Variants in CEP19 observed in about 807,000 individuals in gnomAD.
CEP19 encodes centrosomal protein of 19 kDa.
CEP19 carries 14 observed loss-of-function variants against 17.5 expected under a neutral mutation model. The observed-to-expected ratio is 0.80, with a 90% confidence interval of 0.53 to 1.25. The LOEUF (loss-of-function observed/expected upper bound fraction) is 1.25, where lower values mean the gene tolerates loss of function less well. CEP19 is among the 50% of genes most tolerant of loss of function. CEP19 has a pLI of 0.00. For synonymous variants in CEP19, 59 were observed against 65.5 expected (o/e 0.90, Z 0.48); for missense variants, 193 against 192.0 (o/e 1.01, Z -0.03).
intron 1 of CEP19, among the ~76,000 whole-genome samples, chr3:196,710,058 T>C (rs1051733209): frequency 5.3e-5 from 8 of 152,242 alleles, no homozygotes; most frequent in African/African-American, 1.7e-4. Context: ...GTTTATAGTA[T>C]GTTTCATACA....
At chr3:196,711,524 C>G (rs1357554975) in intron 1 of CEP19, among the ~76,000 whole-genome samples, 1 of 152,162 alleles carries the variant, frequency 6.6e-6, no homozygotes, top group African/African-American at 2.4e-5. Flanking sequence ...CGGGGTTTCG[C>G]CATCTTGGCC....
In CEP19 at chr3:196,706,524, T is replaced by G. The variant is rs1372899224; in HGVS notation, c.*1027A>C. ...TATTTATGGGAAGAGGTTCAGCGTT[T>G]CGCAATGTCTTTAGTATGTATTTCC... On this transcript the variant is annotated 3_prime_UTR_variant, in exon 3 of 3. Transcript: ENST00000409690. The G allele has an allele frequency of 6.6e-6, 1 of 152,174 alleles. No individual in the cohort carries two copies. The highest frequency in any genetic ancestry group is 2.1e-4 in the South Asian group (1 of 4,832). 9.4% of individuals were successfully genotyped at this position (152,174 alleles called of 1,614,324 possible).
intron 2 of CEP19, 22 bp from the exon 3 acceptor site, chr3:196,707,934 T>C (rs576489060): frequency 6.3e-7 from 1 of 1,599,422 alleles, no homozygotes; most frequent in African/African-American, 1.3e-5. Flanking sequence ...AAGAAAACTA[T>C]ATACCACATA....
intron 1 of CEP19, among the ~76,000 whole-genome samples, chr3:196,709,721 T>A (rs1255298093): frequency 6.6e-6 from 1 of 152,226 alleles, no homozygotes; most frequent in African/African-American, 2.4e-5. Flanking sequence ...AAACAGCTAT[T>A]TGTAGATGAA....
In CEP19 at chr3:196,708,641, T is replaced by C; in HGVS notation, c.17A>G (p.Lys6Arg). MMCTA[K>R]KCGIRFQPPA... ...AGGCTGAAACCTAATCCCACATTTC[T>C]TGGCAGTGCACATCATTCCCATGTA... The change falls in exon 2 of 3, where the codon AAG becomes AGG. Residue 6 changes from lysine to arginine, a missense_variant. Lys to Arg is a conservative substitution (Grantham distance 26). Transcript: ENST00000409690. 6.2e-7 allele frequency: 1 copy of C among 1,614,164 alleles called. No individual in the cohort carries two copies. The highest frequency in any genetic ancestry group is 8.5e-7 in the Non-Finnish European group (1 of 1,179,986).
chr3:196,710,260 C>G (rs571808664), intron 1 of CEP19, among the ~76,000 whole-genome samples: 1 of 152,168 alleles, frequency 6.6e-6, no homozygotes, highest in East Asian at 1.9e-4. Flanking sequence ...AAATTAATCA[C>G]ATATAAGCCC....
At chr3:196,708,378 C>T (rs1357252044) in intron 2 of CEP19, 150 bp downstream of exon 2, 1 of 713,120 alleles carries the variant, frequency 1.4e-6, no homozygotes. Context: ...GAAAAAAACA[C>T]TACAATTCCC....
Position 196,707,011 on chromosome 3 carries a change from T to C in CEP19, c.*540A>G, listed in dbSNP as rs1430306442. ...TTAGCTTTTCACAGGTTTTGACATC[T>C]TCCAGTCAGATTGTAAGCTTTTTTT... On this transcript the variant is annotated 3_prime_UTR_variant, in exon 3 of 3. Transcript: ENST00000409690. The C allele has an allele frequency of 6.6e-6, 1 of 152,324 alleles. No homozygotes were observed. Among genetic ancestry groups the C allele is most frequent in the Admixed American group, 6.6e-5 (1 of 15,188 alleles). 9.4% of individuals were successfully genotyped at this position (152,324 alleles called of 1,614,324 possible). A position where few individuals can be genotyped will look rare whatever the true frequency, so the allele number is the denominator to read the frequency against.
At chr3:196,709,176 A>G (rs946589359) in intron 1 of CEP19, among the ~76,000 whole-genome samples, 9 of 152,168 alleles carry the variant, frequency 5.9e-5, no homozygotes, top group African/African-American at 2.2e-4. Flanking sequence ...GCTGACCTAT[A>G]GGGTCTTTAC....
intron 1 of CEP19, among the ~76,000 whole-genome samples, chr3:196,710,021 G>C (rs1156856685): frequency 6.6e-6 from 1 of 152,152 alleles, no homozygotes; most frequent in Non-Finnish European, 1.5e-5. Context: ...ACCCTTGATT[G>C]TGTCCAGTCT....
chr3:196,706,537 A>G lies in CEP19; in HGVS notation c.*1014T>C, dbSNP rs148974768. Reference sequence around the variant, plus strand: ...AGGTTCAGCGTTTCGCAATGTCTTTAGTATGTATTTCCCGATACCGGAGGG... The same window carrying G: ...AGGTTCAGCGTTTCGCAATGTCTTTGGTATGTATTTCCCGATACCGGAGGG... On this transcript the variant is annotated 3_prime_UTR_variant, in exon 3 of 3. Transcript: ENST00000409690. The G allele has an allele frequency of 6.6e-6, 1 of 152,128 alleles. No homozygotes were observed. The highest frequency in any genetic ancestry group is 1.5e-5 in the Non-Finnish European group (1 of 68,018). 9.4% of individuals were successfully genotyped at this position (152,128 alleles called of 1,614,324 possible).
rs557931530 is a variant in CEP19 at position 196,708,427 on chromosome 3, T to G, written c.130+101A>C. ...GAAACTGAAGCTCACTGAGAGTAAG[T>G]AATTCATCCAGTGTCACACATCCAG... is the stretch of plus-strand genomic sequence containing the variant. On this transcript the variant is annotated intron_variant, in intron 2 of 2. Transcript: ENST00000409690. The G allele has an allele frequency of 6.7e-6, 7 of 1,046,552 alleles. No individual in the cohort carries two copies. In the South Asian group the frequency reaches 8.9e-5, roughly 13 times the overall value. The allele number at this position is 1,046,552 out of a possible 1,614,324, so 64.8% of individuals were successfully genotyped here.
At chr3:196,708,441 TCA>T in intron 2 of CEP19, 85 bp downstream of exon 2, 1 of 1,207,842 alleles carries the variant, frequency 8.3e-7, no homozygotes, top group Non-Finnish European at 1.2e-6. Flanking sequence ...TCATCCAGTG[TCA>T]CACATCCAGT....
Position 196,706,351 on chromosome 3 carries a change from A to G in CEP19, c.*1200T>C, listed in dbSNP as rs1358796362. 6.6e-6 allele frequency: 1 copy of G among 152,228 alleles called. No individual in the cohort carries two copies. Among genetic ancestry groups the G allele is most frequent in the African/African-American group, 2.4e-5 (1 of 41,468 alleles). The allele number at this position is 152,228 out of a possible 1,614,324, so 9.4% of individuals were successfully genotyped here. A position where few individuals can be genotyped will look rare whatever the true frequency, so the allele number is the denominator to read the frequency against. Reference sequence around the variant, plus strand: ...ATAGAATTTCTACCAACTAAACAATATTGTAATAAGGATAAATGTATCAAA... The same window carrying G: ...ATAGAATTTCTACCAACTAAACAATGTTGTAATAAGGATAAATGTATCAAA... On this transcript the variant is annotated 3_prime_UTR_variant, in exon 3 of 3. Coordinates refer to ENST00000409690, the MANE Select transcript of CEP19 (RefSeq NM_032898.5).
intron 1 of CEP19, among the ~76,000 whole-genome samples, chr3:196,711,283 T>C (rs956452162): frequency 7.9e-5 from 12 of 152,062 alleles, no homozygotes; most frequent in African/African-American, 2.9e-4. Context: ...TTCCAAAATT[T>C]CTCTCTCCAT....
intron 1 of CEP19, among the ~76,000 whole-genome samples, chr3:196,710,701 G>C (rs925952920): frequency 1.3e-5 from 2 of 151,968 alleles, no homozygotes; most frequent in South Asian, 2.1e-4. Context: ...AATTGGCCAG[G>C]CATGGCAGCA....
rs1170352063 is a variant in CEP19 at position 196,707,726 on chromosome 3, T to G, written c.317A>C (p.Asn106Thr). The change falls in exon 3 of 3, where the codon AAC (asparagine) becomes ACC (threonine). Residue 106 changes from asparagine to threonine, a missense_variant. Physicochemically the swap from Asn to Thr is moderately conservative, Grantham distance 65. Transcript: ENST00000409690. ...GGCAAGCTCCTTGTCATCTAGTTTG[T>G]TCAGGTCTTCCTCAGGATCAATGGT... ...ETTIDPEEDL[N>T]KLDDKELAKR... is the part of the protein sequence containing the mutation. The G allele has an allele frequency of 1.2e-6, 2 of 1,614,208 alleles. No individual in the cohort carries two copies. The highest frequency in any genetic ancestry group is 1.7e-6 in the Non-Finnish European group (2 of 1,180,034).
chr3:196,708,308 A>G lies in CEP19; in HGVS notation c.130+220T>C, dbSNP rs76407340. The stretch of plus-strand genomic sequence containing the variant: ...GAGAGAAGGGAATTAATATTATTGA[A>G]TAATGCTATATCATTTAACCTAGGC... On this transcript the variant is annotated intron_variant, in intron 2 of 2. Coordinates refer to ENST00000409690, the MANE Select transcript of CEP19 (RefSeq NM_032898.5). Among the ~76,000 whole-genome samples the G allele has an allele frequency of 1.1e-4, 16 of 152,342 alleles. No individual in the cohort carries two copies. In the East Asian group the frequency reaches 3.1e-3, roughly 29 times the overall value.
intron 2 of CEP19, 96 bp from the exon 3 acceptor site, chr3:196,708,008 A>C (rs1048714953): frequency 3.4e-5 from 45 of 1,328,084 alleles, no homozygotes; most frequent in Middle Eastern, 1.9e-4. Context: ...AAAAACTCTG[A>C]ACCCTGAAAA....
Sources: gnomAD v4.1 joint callset for allele counts (sites outside exome capture counted in the v4.1 genomes callset) on GRCh38, gnomAD v4.1.1 for gene constraint, MANE v1.5 for transcripts, NCBI Gene and HGNC (gene_info 2026-07-23, HGNC 2026-07-21) for gene names.